The following FOXO3 variants were observed in gnomAD, a reference collection of about 807,000 sequenced individuals.
FOXO3 encodes the protein forkhead box O3.
Under a neutral mutation model 41.9 loss-of-function variants are expected in FOXO3, and 4 were observed. That is an observed-to-expected ratio of 0.10 (90% confidence interval 0.05 to 0.22). The LOEUF is 0.22. FOXO3 is among the 10% of genes least tolerant of loss of function. The pLI is 1.00. For missense variants in FOXO3, 534 were observed against 906.8 expected (o/e 0.59, Z 5.28); for synonymous variants, 318 against 389.3 (o/e 0.82, Z 2.16).
chr6:108,633,359 C>T (rs953528443), intron 1 of FOXO3, among the ~76,000 whole-genome samples: 1 of 151,054 alleles, frequency 6.6e-6, no homozygotes, highest in Non-Finnish European at 1.5e-5. Flanking sequence ...GTGGCATTGG[C>T]AAATAGAAGA....
At chr6:108,599,123 T>G (rs1433754256) in intron 1 of FOXO3, among the ~76,000 whole-genome samples, 1 of 152,198 alleles carries the variant, frequency 6.6e-6, no homozygotes, top group East Asian at 1.9e-4. Flanking sequence ...TTTTATTCCC[T>G]GTCCTCCACC....
intron 1 of FOXO3, among the ~76,000 whole-genome samples, chr6:108,647,809 G>T (rs1332739795): frequency 6.6e-6 from 1 of 152,194 alleles, no homozygotes; most frequent in Non-Finnish European, 1.5e-5. Context: ...TGTATTTCAT[G>T]ATAAAGCCTC....
chr6:108,678,383 C>T (rs1770702029), intron 2 of FOXO3, among the ~76,000 whole-genome samples: 1 of 152,156 alleles, frequency 6.6e-6, no homozygotes, highest in Non-Finnish European at 1.5e-5. Context: ...GGCCTAGAGC[C>T]GTTTCTTTAC....
intron 1 of FOXO3, among the ~76,000 whole-genome samples, chr6:108,590,896 G>A (rs1280220883): frequency 6.6e-6 from 1 of 152,164 alleles, no homozygotes; most frequent in Admixed American, 6.5e-5. Flanking sequence ...TAACGTTAGA[G>A]CTCATCCTAG....
At chr6:108,581,599 C>T (rs998268304) in intron 1 of FOXO3, among the ~76,000 whole-genome samples, 1 of 152,046 alleles carries the variant, frequency 6.6e-6, no homozygotes, top group Admixed American at 6.6e-5. Context: ...GCAAGTGAAC[C>T]ACTGCAGTTC....
rs776064039 is a variant in FOXO3 at position 108,562,705 on chromosome 6, C to T, written c.621+876C>T. ...TAATGGCTTCTACCTGTAAATGAAC[C>T]CGAAGAGAGACTCTCTACCGTTCCT... On this transcript the variant is annotated intron_variant, in intron 1 of 2. Coordinates refer to ENST00000406360, the MANE Select transcript of FOXO3 (RefSeq NM_001455.4). Among the ~76,000 whole-genome samples, 8 of 152,252 alleles carry T rather than the reference C, an allele frequency of 5.3e-5. No homozygotes were observed. The South Asian group carries it at 8.3e-4, about 16-fold the overall frequency.
intron 1 of FOXO3, chr6:108,639,432 A>T: frequency 2.4e-6 from 1 of 418,372 alleles, no homozygotes; most frequent in Non-Finnish European, 3.2e-6. Context: ...GGTCACAAAT[A>T]CATTGGACAG....
chr6:108,655,296 AT>A (rs1434251116), intron 1 of FOXO3, among the ~76,000 whole-genome samples: 7 of 152,162 alleles, frequency 4.6e-5, no homozygotes, highest in African/African-American at 1.2e-4. Flanking sequence ...ATAAAATAAA[AT>A]TACCCTAGCT....
intron 1 of FOXO3, among the ~76,000 whole-genome samples, chr6:108,564,595 T>C (rs1307813272): frequency 1.3e-5 from 2 of 152,224 alleles, no homozygotes; most frequent in Non-Finnish European, 2.9e-5. Flanking sequence ...TGAGACCTTG[T>C]AACCAAAATT....
chr6:108,582,199 A>G (rs1433260334), intron 1 of FOXO3, among the ~76,000 whole-genome samples: 2 of 152,174 alleles, frequency 1.3e-5, no homozygotes, highest in Non-Finnish European at 2.9e-5. Context: ...TTTACTAGCC[A>G]CCTAAATAAG....
intron 1 of FOXO3, among the ~76,000 whole-genome samples, chr6:108,614,798 G>A (rs990768454): frequency 1.3e-5 from 2 of 150,586 alleles, no homozygotes; most frequent in African/African-American, 4.9e-5. Context: ...CTGTTATCTT[G>A]CTATTAGTTT....
At chr6:108,585,639 C>A (rs1024152578) in intron 1 of FOXO3, among the ~76,000 whole-genome samples, 1 of 152,220 alleles carries the variant, frequency 6.6e-6, no homozygotes, top group Non-Finnish European at 1.5e-5. Context: ...AGCTGGGAGT[C>A]TGCAAGGTGT....
chr6:108,607,541 T>A (rs368884751), intron 1 of FOXO3, among the ~76,000 whole-genome samples: 2 of 152,262 alleles, frequency 1.3e-5, no homozygotes, highest in East Asian at 1.9e-4. Flanking sequence ...AAAGGTTACA[T>A]GTTTTGAAAA....
chr6:108,653,313 C>T (rs1714912481), intron 1 of FOXO3, among the ~76,000 whole-genome samples: 1 of 152,216 alleles, frequency 6.6e-6, no homozygotes, highest in Admixed American at 6.5e-5. Flanking sequence ...GTACCAGGCC[C>T]TCTGCCGGGT....
chr6:108,585,480 G>A (rs1198159299), intron 1 of FOXO3, among the ~76,000 whole-genome samples: 4 of 152,234 alleles, frequency 2.6e-5, no homozygotes, highest in African/African-American at 9.6e-5. Flanking sequence ...AGATCTCAAA[G>A]TGGATCAGGG....
intron 1 of FOXO3, among the ~76,000 whole-genome samples, chr6:108,647,466 A>T (rs1028573762): frequency 6.6e-6 from 1 of 152,226 alleles, no homozygotes; most frequent in Non-Finnish European, 1.5e-5. Context: ...CATCACAGCA[A>T]ATTAACAGAA....
intron 1 of FOXO3, among the ~76,000 whole-genome samples, chr6:108,622,931 G>GAA (rs534351537): frequency 2.0e-4 from 22 of 107,736 alleles, no homozygotes; most frequent in East Asian, 7.9e-4. Context: ...GGGCCTTTTA[G>GAA]AAAAAAAAAA....
intron 1 of FOXO3, among the ~76,000 whole-genome samples, chr6:108,636,551 C>T (rs1416395576): frequency 1.3e-5 from 2 of 152,034 alleles, no homozygotes; most frequent in African/African-American, 4.8e-5. Flanking sequence ...CACTCACATG[C>T]TAGTATCCTA....
At chr6:108,635,920 G>T (rs1443606939) in intron 1 of FOXO3, among the ~76,000 whole-genome samples, 1 of 152,232 alleles carries the variant, frequency 6.6e-6, no homozygotes, top group African/African-American at 2.4e-5. Context: ...CAGCTTTTGT[G>T]TATAAGAACT....
Sources: gnomAD v4.1 joint callset for allele counts (sites outside exome capture counted in the v4.1 genomes callset) on GRCh38, gnomAD v4.1.1 for gene constraint, MANE v1.5 for transcripts, NCBI Gene and HGNC (gene_info 2026-07-23, HGNC 2026-07-21) for gene names.